Variants in LMO3 observed in about 807,000 individuals in gnomAD.
The protein encoded by LMO3 is LIM domain only 3, also known as LIM domain only protein 3.
A neutral mutation model predicts 15.8 loss-of-function variants in LMO3; 2 were observed. That is an observed-to-expected ratio of 0.13 (90% CI 0.05 to 0.40). The LOEUF is 0.40. Among genes scored for constraint, LMO3 ranks in the 10% least tolerant of loss-of-function variants. The pLI, the probability that LMO3 is intolerant of heterozygous loss-of-function variation, is 0.99. For synonymous variants in LMO3, 62 were observed against 63.8 expected (o/e 0.97, Z 0.13); for missense variants, 86 against 182.2 (o/e 0.47, Z 3.04).
chr12:16,560,310 G>C lies in LMO3; in HGVS notation c.332+103C>G, dbSNP rs1942353665. The C allele has an allele frequency of 4.7e-6, 6 of 1,283,446 alleles. No homozygotes were observed. The highest frequency in any genetic ancestry group is 2.0e-4 in the Middle Eastern group (1 of 5,096). The allele number at this position is 1,283,446 out of a possible 1,614,324, so 79.5% of individuals were successfully genotyped here. On this transcript the variant is annotated intron_variant, in intron 3 of 3. Coordinates refer to ENST00000537304, the MANE Select transcript of LMO3 (RefSeq NM_018640.5). This position sits in a 1 kb window ranked among gnomAD's most constrained non-coding sequence, Gnocchi z 5.0. ...AGTTTACAGAACAGAAAAACGCTGA[G>C]ATTGATTGCTTTAAATGTATGAATA...
At chr12:16,579,937 A>G (rs1051854488) in intron 2 of LMO3, among the ~76,000 whole-genome samples, 1 of 152,172 alleles carries the variant, frequency 6.6e-6, no homozygotes, top group Non-Finnish European at 1.5e-5. Context: ...ATCTGTTGGT[A>G]TTTAAGTAAT....
intron 2 of LMO3, among the ~76,000 whole-genome samples, chr12:16,566,609 T>C (rs1942620581): frequency 6.6e-6 from 1 of 152,150 alleles, no homozygotes; most frequent in African/African-American, 2.4e-5. Flanking sequence ...AAAGACATTT[T>C]CTATTTTAAA....
chr12:16,604,969 C>A lies in LMO3; in HGVS notation c.-9+1097G>T. 1 of 1,597,660 alleles carries A rather than the reference C, an allele frequency of 6.3e-7. No individual in the cohort carries two copies. The highest frequency in any genetic ancestry group is 1.1e-5 in the South Asian group (1 of 91,022). ...AAAGGTAGAAGTAGAAGGGGGTCTC[C>A]TTGATTTCGCTTAAGTGTGGACCTG... On this transcript the variant is annotated intron_variant, in intron 1 of 3. Transcript: ENST00000537304. This position sits in a 1 kb window ranked among gnomAD's most constrained non-coding sequence, Gnocchi z 5.3.
intron 2 of LMO3, among the ~76,000 whole-genome samples, chr12:16,579,476 G>A (rs1200209161): frequency 6.6e-6 from 1 of 152,184 alleles, no homozygotes; most frequent in Non-Finnish European, 1.5e-5. Flanking sequence ...TATATCAGTA[G>A]CTTAAAAGCC....
intron 2 of LMO3, among the ~76,000 whole-genome samples, chr12:16,573,317 A>G (rs1286118601): frequency 6.6e-6 from 1 of 152,190 alleles, no homozygotes; most frequent in Non-Finnish European, 1.5e-5. Context: ...AAAAATTTTG[A>G]ACTCAGACAT....
chr12:16,599,545 TGATA>T lies in LMO3; in HGVS notation c.206+1106_206+1109del, dbSNP rs1943758513. The stretch of plus-strand genomic sequence containing the variant: ...AGGTACTAAAGGAGTTACCATTGAT[TGATA>T]AATTTTGTCATAAGGGAAAAAATTC... On this transcript the variant is annotated intron_variant, in intron 2 of 3. Transcript: ENST00000537304. The surrounding 1 kb of genome is among the most constrained non-coding windows in gnomAD (Gnocchi z 4.1). The T allele has an allele frequency of 6.6e-6, 1 of 152,200 alleles. No homozygotes were observed. The highest frequency in any genetic ancestry group is 6.5e-5 in the Admixed American group (1 of 15,268). 9.4% of individuals were successfully genotyped at this position (152,200 alleles called of 1,614,324 possible).
intron 2 of LMO3, among the ~76,000 whole-genome samples, chr12:16,569,625 C>A (rs1379930590): frequency 6.6e-6 from 1 of 152,064 alleles, no homozygotes. Context: ...AAAAATATTT[C>A]CAGGCAAATA....
chr12:16,571,675 T>C (rs1435527184), intron 2 of LMO3, among the ~76,000 whole-genome samples: 1 of 152,036 alleles, frequency 6.6e-6, no homozygotes, highest in Non-Finnish European at 1.5e-5. Flanking sequence ...ACAATTTCTG[T>C]TCTTTGGTTC....
intron 2 of LMO3, among the ~76,000 whole-genome samples, chr12:16,574,245 A>G (rs1942922371): frequency 6.6e-6 from 1 of 152,190 alleles, no homozygotes; most frequent in Admixed American, 6.5e-5. Flanking sequence ...CCTTGGAACA[A>G]TGTATAAACG....
chr12:16,605,261 A>G (rs1365230357), intron 1 of LMO3: 28 of 1,242,758 alleles, frequency 2.3e-5, no homozygotes, highest in Non-Finnish European at 2.8e-5. Context: ...GCGTTAGCAT[A>G]GCATATCATG....
At chr12:16,602,952 T>C (rs1350497105) in intron 1 of LMO3, among the ~76,000 whole-genome samples, 2 of 151,518 alleles carry the variant, frequency 1.3e-5, no homozygotes, top group Non-Finnish European at 2.9e-5. Context: ...TTTGTAAGGC[T>C]ATTATTTTTA....
intron 2 of LMO3, among the ~76,000 whole-genome samples, chr12:16,564,737 G>A (rs762067473): frequency 6.6e-6 from 1 of 152,136 alleles, no homozygotes; most frequent in East Asian, 1.9e-4. Context: ...TCTGAGTAAA[G>A]ATCAGATCAG....
At chr12:16,578,820 AC>A (rs199586837) in intron 2 of LMO3, among the ~76,000 whole-genome samples, 6,665 of 79,814 alleles carry the variant, frequency 0.084, 491 homozygotes, top group African/African-American at 0.25. Context: ...TCTGTCTCAA[AC>A]AACAACAACA....
At chr12:16,562,862 T>A (rs1314221197) in intron 2 of LMO3, among the ~76,000 whole-genome samples, 2 of 152,232 alleles carry the variant, frequency 1.3e-5, no homozygotes, top group East Asian at 1.9e-4. Flanking sequence ...CTGCTACCAG[T>A]GTACTTTCCA....
chr12:16,603,838 TA>T lies in LMO3; in HGVS notation c.-9+2227del, dbSNP rs947832835. ...CACAACTCCACAACACACAGGGGTT[TA>T]AAAAAAATAATAATAATGAAAGATT... On this transcript the variant is annotated intron_variant, in intron 1 of 3. Transcript: ENST00000537304. This position sits in a 1 kb window ranked among gnomAD's most constrained non-coding sequence, Gnocchi z 4.9. Among the ~76,000 whole-genome samples the T allele has an allele frequency of 1.5e-4, 23 of 152,036 alleles. No individual in the cohort carries two copies. The highest frequency in any genetic ancestry group is 1.2e-3 in the East Asian group (6 of 5,176).
rs1047083911 is a variant in LMO3 at position 16,549,682 on chromosome 12, A to T, written c.*1540T>A. ...CCATAGCACTAAGTTTGCTGTAGTG[A>T]AAATATGGTTAACGGTGCCGTGCAA... On this transcript the variant is annotated 3_prime_UTR_variant, in exon 4 of 4. Transcript: ENST00000537304. The T allele has an allele frequency of 6.6e-6, 1 of 152,242 alleles. No homozygotes were observed. Among genetic ancestry groups the T allele is most frequent in the African/African-American group, 2.4e-5 (1 of 41,460 alleles). 9.4% of individuals were successfully genotyped at this position (152,242 alleles called of 1,614,324 possible). A position where few individuals can be genotyped will look rare whatever the true frequency, so the allele number is the denominator to read the frequency against.
At position 16,560,545 on chromosome 12, in the gene LMO3, T is replaced by G; in HGVS notation, c.207-7A>C. On this transcript the variant is annotated splice_polypyrimidine_tract_variant and splice_region_variant and intron_variant, in intron 2 of 3. Transcript: ENST00000537304. The surrounding 1 kb of genome is among the most constrained non-coding windows in gnomAD (Gnocchi z 5.0). Reference sequence around the variant, plus strand: ...TCCCGTTACACCAAAGAGCCTAGAATAAGAAACATTTTTTTTTTTTTACAA... The same window carrying G: ...TCCCGTTACACCAAAGAGCCTAGAAGAAGAAACATTTTTTTTTTTTTACAA... 1 of 1,583,172 alleles carries G rather than the reference T, an allele frequency of 6.3e-7. No individual in the cohort carries two copies. Among genetic ancestry groups the G allele is most frequent in the Non-Finnish European group, 8.6e-7 (1 of 1,169,454 alleles).
chr12:16,570,991 A>G (rs1446194363), intron 2 of LMO3, among the ~76,000 whole-genome samples: 2 of 152,120 alleles, frequency 1.3e-5, no homozygotes, highest in Non-Finnish European at 2.9e-5. Context: ...TATGTAACTA[A>G]CCTGCACATT....
At position 16,599,686 on chromosome 12, in the gene LMO3, A is replaced by T. The variant is rs961460639; in HGVS notation, c.206+969T>A. 1 of 152,224 alleles carries T rather than the reference A, an allele frequency of 6.6e-6. No homozygotes were observed. The highest frequency in any genetic ancestry group is 1.5e-5 in the Non-Finnish European group (1 of 68,038). 9.4% of individuals were successfully genotyped at this position (152,224 alleles called of 1,614,324 possible). On this transcript the variant is annotated intron_variant, in intron 2 of 3. Coordinates refer to ENST00000537304, the MANE Select transcript of LMO3 (RefSeq NM_018640.5). This position sits in a 1 kb window ranked among gnomAD's most constrained non-coding sequence, Gnocchi z 4.1. Reference sequence around the variant, plus strand: ...ATTTGATAGATCCTACTTTATTAATATAAGTAATTTGCAGCTGAAGTAAGT... The same window carrying T: ...ATTTGATAGATCCTACTTTATTAATTTAAGTAATTTGCAGCTGAAGTAAGT...
Sources: gnomAD v4.1 joint callset for allele counts (sites outside exome capture counted in the v4.1 genomes callset) on GRCh38, gnomAD v4.1.1 for gene constraint, Gnocchi (gnomAD v3.1) non-coding constraint, MANE v1.5 for transcripts, NCBI Gene and HGNC (gene_info 2026-07-23, HGNC 2026-07-21) for gene names.